YIF1B: variants seen among roughly 807,000 people sequenced by gnomAD.
YIF1B encodes Yip1 interacting factor homolog B, membrane trafficking protein.
YIF1B carries 24 observed loss-of-function variants against 34.6 expected under a neutral mutation model. The observed-to-expected ratio is 0.69, with a 90% CI of 0.50 to 0.98. The LOEUF is 0.98. YIF1B is among the 50% of genes least tolerant of loss of function. The pLI, the probability that YIF1B is intolerant of heterozygous loss-of-function variation, is 0.00. For synonymous variants in YIF1B, 186 were observed against 184.8 expected (o/e 1.01, Z -0.05); for missense variants, 368 against 429.4 (o/e 0.86, Z 1.26).
upstream of YIF1B, chr19:38,319,747 C>A (rs1969623271): frequency 5.6e-6 from 3 of 532,332 alleles, no homozygotes; most frequent in African/African-American, 4.0e-5. Flanking sequence ...CGAACGAACA[C>A]CTGGCGGTTG....
rs1030157851 is a variant in YIF1B, at chr19:38,305,299, G to A, written c.*53C>T. On this transcript the variant is annotated 3_prime_UTR_variant, in exon 8 of 8. Coordinates refer to ENST00000339413, the MANE Select transcript of YIF1B (RefSeq NM_001039672.3). The stretch of plus-strand genomic sequence containing the variant: ...CTGCAGGCAGGAGATGAGTTCGGCG[G>A]CCACAGTGGCCCCCAGCAGCAGCAG... 1.8e-5 allele frequency: 29 copies of A among 1,573,560 alleles called. No homozygotes were observed. The highest frequency in any genetic ancestry group is 2.2e-5 in the Non-Finnish European group (26 of 1,158,454).
At chr19:38,311,278 C>A (rs1969316709) in intron 1 of YIF1B, among the ~76,000 whole-genome samples, 1 of 151,470 alleles carries the variant, frequency 6.6e-6, no homozygotes, top group South Asian at 2.1e-4. Context: ...CACAGTGAGA[C>A]CCTGTCTCAA....
chr19:38,306,028 C>T (rs1969010414), intron 7 of YIF1B, among the ~76,000 whole-genome samples: 1 of 151,880 alleles, frequency 6.6e-6, no homozygotes, highest in African/African-American at 2.4e-5. Flanking sequence ...ACGATGAAAC[C>T]CCGTCTCTAC....
upstream of YIF1B, among the ~76,000 whole-genome samples, chr19:38,317,835 C>G (rs142110790): frequency 0.12 from 17,865 of 151,280 alleles, 1,307 homozygotes; most frequent in South Asian, 0.22. Context: ...CTGCCTTGGC[C>G]TCCCAAAGCA....
At chr19:38,309,122 T>C (rs1969197242) in intron 3 of YIF1B, 65 bp from the exon 4 acceptor site, 15 of 1,561,142 alleles carry the variant, frequency 9.6e-6, no homozygotes, top group Non-Finnish European at 1.2e-5. Context: ...CTACAGGCCC[T>C]CCTCCCTCGA....
chr19:38,307,193 G>T (rs1256131206), intron 7 of YIF1B: 13 of 565,952 alleles, frequency 2.3e-5, no homozygotes, highest in Non-Finnish European at 4.3e-5. Flanking sequence ...TGGAGCCTGT[G>T]TGCTGGGGAT....
At chr19:38,318,831 A>G (rs767238974), upstream of YIF1B, among the ~76,000 whole-genome samples, 7 of 152,102 alleles carry the variant, frequency 4.6e-5, no homozygotes, top group Non-Finnish European at 8.8e-5. Context: ...GGCTGTCAGG[A>G]AGGCGCTGAG....
chr19:38,318,426 G>T (rs1193106263), upstream of YIF1B, among the ~76,000 whole-genome samples: 2 of 152,076 alleles, frequency 1.3e-5, no homozygotes, highest in African/African-American at 4.8e-5. Context: ...TGGGACTACA[G>T]ACGCATGCCA....
Position 38,304,275 on chromosome 19 carries a change from T to TG in YIF1B, c.*1076dup. On this transcript the variant is annotated 3_prime_UTR_variant, in exon 8 of 8. Coordinates refer to ENST00000339413, the MANE Select transcript of YIF1B (RefSeq NM_001039672.3). Reference sequence around the variant, plus strand: ...TCTCTTACCGCCATGGAGTTCGACCTGGGAGCAGGTGAGCTCCTGGGGAGT... The same window carrying TG: ...TCTCTTACCGCCATGGAGTTCGACCTGGGGAGCAGGTGAGCTCCTGGGGAGT... 1 of 1,613,746 alleles carries TG rather than the reference T, an allele frequency of 6.2e-7. No homozygotes were observed. The highest frequency in any genetic ancestry group is 8.5e-7 in the Non-Finnish European group (1 of 1,180,032).
chr19:38,318,154 T>C (rs1298269261), upstream of YIF1B, among the ~76,000 whole-genome samples: 3 of 132,564 alleles, frequency 2.3e-5, no homozygotes, highest in Non-Finnish European at 3.1e-5. Flanking sequence ...GATTGTGCCA[T>C]TGCACTCCAG....
At chr19:38,321,869 G>C (rs1429429556), upstream of YIF1B, among the ~76,000 whole-genome samples, 2 of 152,196 alleles carry the variant, frequency 1.3e-5, no homozygotes, top group African/African-American at 4.8e-5. Flanking sequence ...TCCCTGGCAG[G>C]GCAGATGAGG....
At chr19:38,320,100 C>T, upstream of YIF1B, 1 of 1,560,652 alleles carries the variant, frequency 6.4e-7, no homozygotes, top group Non-Finnish European at 8.6e-7. Flanking sequence ...TGCTTCAGCG[C>T]AGCCCGTGTG....
intron 1 of YIF1B, among the ~76,000 whole-genome samples, chr19:38,314,774 C>G (rs975028358): frequency 5.3e-5 from 8 of 151,652 alleles, no homozygotes; most frequent in Non-Finnish European, 8.8e-5. Flanking sequence ...CCACCACACC[C>G]GGCTAATTTT....
rs1457215599 is a variant in YIF1B, at chr19:38,304,644, C to T, written c.*708G>A. The T allele has an allele frequency of 2.5e-6, 4 of 1,613,596 alleles. No individual in the cohort carries two copies. The highest frequency in any genetic ancestry group is 2.2e-5 in the East Asian group (1 of 44,862). On this transcript the variant is annotated 3_prime_UTR_variant, in exon 8 of 8. Transcript: ENST00000339413. Reference sequence around the variant, plus strand: ...TCCAGCAAGGACACCACAGCTCTTCCGACTCCAGCAGCAGCTCCAGCGATT... The same window carrying T: ...TCCAGCAAGGACACCACAGCTCTTCTGACTCCAGCAGCAGCTCCAGCGATT...
chr19:38,306,858 T>G lies in YIF1B; in HGVS notation c.789+570A>C, dbSNP rs551891571. On this transcript the variant is annotated intron_variant, in intron 7 of 7. Transcript: ENST00000339413. ...CACCACACCCAGCTAATTTTTTGTA[T>G]TTTTAGTAGAGATGGGGTTTCACCG... 2.0e-4 allele frequency: 81 copies of G among 396,910 alleles called. 1 individual carries two copies. In the East Asian group the frequency reaches 5.6e-3, roughly 27 times the overall value. The allele number at this position is 396,910 out of a possible 1,614,324, so 24.6% of individuals were successfully genotyped here.
rs1600384003 is a variant in YIF1B at position 38,307,711 on chromosome 19, A to C, written c.581T>G (p.Leu194Arg). ...CAGCACCTCCAGGGTCAGCCAGGCC[A>C]GGGCTGAGCTCGCTTGCAGCCCCAG... Reference protein sequence around the residue: ...DLLGLQASSALAWLTLEVLAI... With the variant: ...DLLGLQASSARAWLTLEVLAI... Residue 194 changes from leucine to arginine, a missense_variant, in exon 6 of 8, where the codon CTG becomes CGG. Physicochemically the swap from Leu to Arg is moderately radical, Grantham distance 102. Coordinates refer to ENST00000339413, the MANE Select transcript of YIF1B (RefSeq NM_001039672.3). 6.2e-7 allele frequency: 1 copy of C among 1,613,330 alleles called. No homozygotes were observed. The highest frequency in any genetic ancestry group is 8.5e-7 in the Non-Finnish European group (1 of 1,180,010).
chr19:38,304,503 A>G lies in YIF1B; in HGVS notation c.*849T>C, dbSNP rs760661810. On this transcript the variant is annotated 3_prime_UTR_variant, in exon 8 of 8. Coordinates refer to ENST00000339413, the MANE Select transcript of YIF1B (RefSeq NM_001039672.3). ...TCCGGGTCCAAAGGTAAGTCGCCTC[A>G]TCACCGGCTGCGGAGGGGCGGGAAG... 1 of 1,560,288 alleles carries G rather than the reference A, an allele frequency of 6.4e-7. No homozygotes were observed. Among genetic ancestry groups the G allele is most frequent in the Non-Finnish European group, 8.7e-7 (1 of 1,152,276 alleles).
upstream of YIF1B, chr19:38,319,872 G>A (rs1363753425): frequency 7.7e-7 from 1 of 1,295,980 alleles, no homozygotes; most frequent in East Asian, 3.1e-5. Context: ...CCCGGAACTG[G>A]AACTAGGTGC....
chr19:38,320,142 G>A (rs1314733025), upstream of YIF1B: 3 of 1,592,960 alleles, frequency 1.9e-6, no homozygotes, highest in African/African-American at 1.3e-5. Context: ...CCTTCGTGGA[G>A]CGAGTGCTGG....
Sources: gnomAD v4.1 joint callset for allele counts (sites outside exome capture counted in the v4.1 genomes callset) on GRCh38, gnomAD v4.1.1 for gene constraint, MANE v1.5 for transcripts, NCBI Gene and HGNC (gene_info 2026-07-23, HGNC 2026-07-21) for gene names.